ATP6V0A4: variants seen among roughly 807,000 people sequenced by gnomAD.
ATP6V0A4 encodes V-type proton ATPase 116 kDa subunit a 4.
ATP6V0A4 carries 86 observed loss-of-function variants against 107.3 expected under a neutral mutation model. That is an observed-to-expected ratio of 0.80 (90% CI 0.67 to 0.96). ATP6V0A4 has a LOEUF of 0.96. Among genes scored for constraint, ATP6V0A4 ranks in the 40% least tolerant of loss-of-function variants. The pLI, the probability that ATP6V0A4 is intolerant of heterozygous loss-of-function variation, is 0.00. For synonymous variants in ATP6V0A4, 353 were observed against 381.4 expected (o/e 0.93, Z 0.87); for missense variants, 908 against 1,045.6 (o/e 0.87, Z 1.81).
At chr7:138,766,451 C>T (rs1807097713) in intron 5 of ATP6V0A4, among the ~76,000 whole-genome samples, 1 of 152,012 alleles carries the variant, frequency 6.6e-6, no homozygotes, top group Non-Finnish European at 1.5e-5. Context: ...AGCAATACAC[C>T]CGCCTTGGCT....
chr7:138,737,864 C>G (rs1002405604), intron 15 of ATP6V0A4, among the ~76,000 whole-genome samples: 1 of 151,070 alleles, frequency 6.6e-6, no homozygotes, highest in African/African-American at 2.4e-5. Flanking sequence ...CAGGTTAAAG[C>G]AATTCTCCTG....
intron 1 of ATP6V0A4, among the ~76,000 whole-genome samples, chr7:138,792,137 T>A (rs574890808): frequency 6.6e-6 from 1 of 152,130 alleles, no homozygotes; most frequent in Non-Finnish European, 1.5e-5. Flanking sequence ...TGAAACCCCA[T>A]CTCTACTAAA....
rs111539112 is a variant in ATP6V0A4 at position 138,792,766 on chromosome 7, G to T, written c.-121+5268C>A. Among the ~76,000 whole-genome samples, 197 of 68,582 alleles carry T rather than the reference G, an allele frequency of 2.9e-3. 4 individuals carry two copies. The highest frequency in any genetic ancestry group is 0.012 in the Middle Eastern group (2 of 164). The allele number at this position is 68,582 out of a possible 152,430, so 45.0% of individuals were successfully genotyped here. A position where few individuals can be genotyped will look rare whatever the true frequency, so the allele number is the denominator to read the frequency against. On this transcript the variant is annotated intron_variant, in intron 1 of 21. Transcript: ENST00000310018. Reference sequence around the variant, plus strand: ...GGCTTGCATCACCAAACTCAGGTTTGTTTTTTTTTTTGTTGTTTTGTTTTT... The same window carrying T: ...GGCTTGCATCACCAAACTCAGGTTTTTTTTTTTTTTTGTTGTTTTGTTTTT...
At chr7:138,776,643 A>C (rs1482492090) in intron 2 of ATP6V0A4, among the ~76,000 whole-genome samples, 1 of 152,110 alleles carries the variant, frequency 6.6e-6, no homozygotes, top group African/African-American at 2.4e-5. Context: ...GGGTGGGGCC[A>C]TAGTTTTCAA....
In ATP6V0A4 at chr7:138,769,471, C is replaced by T. The variant is rs112777492; in HGVS notation, c.118-220G>A. Among the ~76,000 whole-genome samples the T allele has an allele frequency of 0.029, 4,481 of 152,048 alleles. 236 individuals are homozygous for T. The highest frequency in any genetic ancestry group is 0.1 in the African/African-American group (4,253 of 41,458). On this transcript the variant is annotated intron_variant, in intron 3 of 21. Transcript: ENST00000310018. ...CTGGGATTACAGGCACCCACCACCACGCCTGGCTAATTTTTGTATTTGTAG... is the reference window on the plus strand; with the variant it reads ...CTGGGATTACAGGCACCCACCACCATGCCTGGCTAATTTTTGTATTTGTAG...
chr7:138,790,322 C>T (rs1808353632), intron 1 of ATP6V0A4, among the ~76,000 whole-genome samples: 1 of 152,136 alleles, frequency 6.6e-6, no homozygotes, highest in Non-Finnish European at 1.5e-5. Flanking sequence ...GAGATAGAGT[C>T]TTGCTCTGTA....
chr7:138,755,901 T>C, intron 9 of ATP6V0A4, 119 bp from the exon 10 acceptor site: 1 of 1,525,642 alleles, frequency 6.6e-7, no homozygotes, highest in South Asian at 1.2e-5. Flanking sequence ...TATCCTAGAA[T>C]AACTGCGTCT....
chr7:138,726,054 AT>A (rs1221474191), intron 18 of ATP6V0A4, among the ~76,000 whole-genome samples: 1 of 151,774 alleles, frequency 6.6e-6, no homozygotes, highest in Non-Finnish European at 1.5e-5. Flanking sequence ...CAGTGGTGCA[AT>A]TTCGGCTCAC....
intron 5 of ATP6V0A4, among the ~76,000 whole-genome samples, chr7:138,763,975 A>AAAAATATAT: frequency 7.0e-6 from 1 of 143,628 alleles, no homozygotes; most frequent in East Asian, 2.0e-4. Context: ...TCAAAAAAAA[A>AAAAATATAT]ATATATATAT....
At chr7:138,762,610 T>C (rs1806880817) in intron 6 of ATP6V0A4, 176 bp from the exon 7 acceptor site, 2 of 780,590 alleles carry the variant, frequency 2.6e-6, no homozygotes, top group African/African-American at 3.8e-5. Flanking sequence ...GGTCTTTTCC[T>C]ACCAAAACCC....
intron 18 of ATP6V0A4, among the ~76,000 whole-genome samples, chr7:138,726,551 T>C (rs1804735135): frequency 6.6e-6 from 1 of 152,184 alleles, no homozygotes; most frequent in Admixed American, 6.5e-5. Context: ...GAGAGGCTAA[T>C]AGACAGGACC....
At chr7:138,717,611 G>A (rs974789328) in intron 19 of ATP6V0A4, among the ~76,000 whole-genome samples, 1 of 151,586 alleles carries the variant, frequency 6.6e-6, no homozygotes, top group African/African-American at 2.4e-5. Context: ...TCTTCATTCA[G>A]AGATAACAAA....
intron 18 of ATP6V0A4, among the ~76,000 whole-genome samples, chr7:138,727,828 A>G (rs976382300): frequency 6.6e-6 from 1 of 152,208 alleles, no homozygotes; most frequent in Non-Finnish European, 1.5e-5. Context: ...TGGAAGGTTA[A>G]TCTTACTAAA....
chr7:138,716,868 G>C (rs1292324912), intron 19 of ATP6V0A4, among the ~76,000 whole-genome samples: 1 of 152,054 alleles, frequency 6.6e-6, no homozygotes, highest in Non-Finnish European at 1.5e-5. Context: ...CTGGCCATGG[G>C]GGACAATTGA....
rs142576731 is a variant in ATP6V0A4 at position 138,777,161 on chromosome 7, A to G, written c.-17-5897T>C. On this transcript the variant is annotated intron_variant, in intron 2 of 21. Transcript: ENST00000310018. ...GAGACTCCGTCTCAAAAAAAAAACA[A>G]CAAAAAAAGTATGTGTATGGTATGT... is the stretch of plus-strand genomic sequence containing the variant. 1.3e-3 allele frequency among the ~76,000 whole-genome samples: 203 copies of G among 152,190 alleles called. 1 individual carries two copies. Among genetic ancestry groups the G allele is most frequent in the African/African-American group, 4.6e-3 (193 of 41,540 alleles).
intron 2 of ATP6V0A4, 92 bp from the exon 3 acceptor site, chr7:138,771,356 C>A: frequency 1.4e-5 from 19 of 1,394,760 alleles, no homozygotes; most frequent in Admixed American, 4.2e-5. Context: ...TAAAATCTAA[C>A]AGGGAAAAAA....
intron 18 of ATP6V0A4, among the ~76,000 whole-genome samples, chr7:138,723,010 A>T (rs181397342): frequency 5.5e-5 from 8 of 144,946 alleles, no homozygotes; most frequent in African/African-American, 2.1e-4. Flanking sequence ...GTGAGCCAAG[A>T]TTGTGCCACT....
intron 18 of ATP6V0A4, among the ~76,000 whole-genome samples, chr7:138,727,491 T>A (rs1804779628): frequency 6.6e-6 from 1 of 152,140 alleles, no homozygotes; most frequent in Non-Finnish European, 1.5e-5. Flanking sequence ...TCATATAGAT[T>A]ACGTTTCAGC....
chr7:138,789,221 G>T (rs7781107), intron 1 of ATP6V0A4, among the ~76,000 whole-genome samples: 67,111 of 138,814 alleles, frequency 0.48, 15,165 homozygotes, highest in Admixed American at 0.56. Context: ...TTTTTTGGGG[G>T]GTTTTTTTTT....
Sources: allele counts gnomAD v4.1 joint callset (sites outside exome capture counted in the v4.1 genomes callset), GRCh38; gene constraint gnomAD v4.1.1; transcripts MANE v1.5; gene names NCBI Gene and HGNC (gene_info 2026-07-23, HGNC 2026-07-21).